TSTD2: variants seen among roughly 807,000 people sequenced by gnomAD.
TSTD2 encodes the protein thiosulfate sulfurtransferase/rhodanese-like domain-containing protein 2.
In TSTD2, 37 loss-of-function variants were observed where a neutral mutation model predicts 47.9. That is an observed-to-expected ratio of 0.77 (90% CI 0.59 to 1.02). The LOEUF (loss-of-function observed/expected upper bound fraction) is 1.02, where lower values mean the gene tolerates loss of function less well. Among genes scored for constraint, TSTD2 ranks in the 50% least tolerant of loss-of-function variants. The pLI is 0.00. For synonymous variants in TSTD2, 201 were observed against 215.9 expected (o/e 0.93, Z 0.61); for missense variants, 586 against 616.0 (o/e 0.95, Z 0.52).
At chr9:97,631,330 C>T (rs1826806809) in intron 1 of TSTD2, among the ~76,000 whole-genome samples, 1 of 151,728 alleles carries the variant, frequency 6.6e-6, no homozygotes, top group South Asian at 2.1e-4. Context: ...ACCATGTTGG[C>T]CAGGATGGTC....
At chr9:97,624,404 A>C (rs1826687512) in intron 3 of TSTD2, among the ~76,000 whole-genome samples, 2 of 152,148 alleles carry the variant, frequency 1.3e-5, no homozygotes, top group African/African-American at 4.8e-5. Flanking sequence ...ACATGAGTGA[A>C]CCTGGAAACA....
At chr9:97,614,179 A>G (rs548417488) in intron 4 of TSTD2, among the ~76,000 whole-genome samples, 5 of 152,340 alleles carry the variant, frequency 3.3e-5, no homozygotes, top group African/African-American at 9.6e-5. Flanking sequence ...TCATGGCACA[A>G]GCCAATGCCA....
chr9:97,616,658 T>C (rs1282385291), intron 4 of TSTD2, among the ~76,000 whole-genome samples: 1 of 152,146 alleles, frequency 6.6e-6, no homozygotes, highest in East Asian at 1.9e-4. Flanking sequence ...GTGAAAAATA[T>C]CACTGATCAA....
At chr9:97,624,926 C>T (rs1826695725) in intron 3 of TSTD2, among the ~76,000 whole-genome samples, 1 of 151,972 alleles carries the variant, frequency 6.6e-6, no homozygotes, top group Non-Finnish European at 1.5e-5. Flanking sequence ...AAAAGAAACC[C>T]CCCCTTTTTT....
intron 3 of TSTD2, among the ~76,000 whole-genome samples, chr9:97,624,490 C>T (rs1490399837): frequency 6.6e-6 from 1 of 152,194 alleles, no homozygotes; most frequent in Non-Finnish European, 1.5e-5. Flanking sequence ...ACCAACTATG[C>T]TGCTGTAAGC....
At chr9:97,605,809 G>A (rs559524771) in intron 7 of TSTD2, among the ~76,000 whole-genome samples, 168 bp from the exon 8 acceptor site, 1 of 152,304 alleles carries the variant, frequency 6.6e-6, no homozygotes, top group African/African-American at 2.4e-5. Context: ...TAAAACCGAG[G>A]CTGTGGGCTG....
chr9:97,611,526 GGCA>G, intron 5 of TSTD2, 45 bp downstream of exon 5: 1 of 1,540,790 alleles, frequency 6.5e-7, no homozygotes, highest in South Asian at 1.2e-5. Context: ...CATGCACAGA[GGCA>G]GAAGCAGATG....
chr9:97,605,656 C>G lies in TSTD2; in HGVS notation c.955-15G>C. ...TGGAATCGTCCCTGTAACATAGGAG[C>G]AACAAAAGGAAAATTATCAGAAAAA... On this transcript the variant is annotated splice_polypyrimidine_tract_variant and intron_variant, in intron 7 of 9. Coordinates refer to ENST00000341170, the MANE Select transcript of TSTD2 (RefSeq NM_139246.5). The G allele has an allele frequency of 6.2e-7, 1 of 1,613,936 alleles. No individual in the cohort carries two copies. The highest frequency in any genetic ancestry group is 8.5e-7 in the Non-Finnish European group (1 of 1,179,932).
rs762022335 is a variant in TSTD2 at position 97,602,502 on chromosome 9, A to G, written c.1518T>C (p.Pro506=). ...GCACTGGCCCATCCTCATCAGCATC[A>G]GGCCCTGGCTCTGGGCTCACAGGCT... The part of the protein sequence containing the change: ...VRQPVSPEPG[P]DADEDGPVLM Residue 506 remains proline (P), a synonymous_variant, in exon 10 of 10, where the codon CCT becomes CCC. Transcript: ENST00000341170. 6.2e-7 allele frequency: 1 copy of G among 1,613,194 alleles called. No individual in the cohort carries two copies. Among genetic ancestry groups the G allele is most frequent in the Non-Finnish European group, 8.5e-7 (1 of 1,179,480 alleles).
intron 2 of TSTD2, among the ~76,000 whole-genome samples, chr9:97,626,291 GC>G (rs1826719220): frequency 6.6e-6 from 1 of 152,034 alleles, no homozygotes; most frequent in African/African-American, 2.4e-5. Context: ...ATACAGTTTG[GC>G]CTAAAATATC....
rs770690604 is a variant in TSTD2, at chr9:97,617,819, C to T, written c.541G>A (p.Asp181Asn). The T allele has an allele frequency of 6.2e-7, 1 of 1,614,138 alleles. No individual in the cohort carries two copies. The highest frequency in any genetic ancestry group is 1.3e-5 in the African/African-American group (1 of 75,048). The change falls in exon 4 of 10, where the codon GAT becomes AAT. Residue 181 changes from aspartate to asparagine, a missense_variant. Physicochemically the swap from Asp to Asn is conservative, Grantham distance 23. Transcript: ENST00000341170. ...LLYYCYHDLE[D>N]PQWICAWQTA... ...TGCCAGGCACAGATCCATTGGGGAT[C>T]CTCCAGGTCATGGTAGCAGTAATAA...
At position 97,604,745 on chromosome 9, in the gene TSTD2, T is replaced by C; in HGVS notation, c.1234A>G (p.Asn412Asp). The C allele has an allele frequency of 1.9e-6, 3 of 1,614,232 alleles. No homozygotes were observed. Among genetic ancestry groups the C allele is most frequent in the Non-Finnish European group, 2.5e-6 (3 of 1,180,036 alleles). Residue 412 changes from asparagine (N) to aspartate (D), a missense_variant, in exon 9 of 10, where the codon AAC becomes GAC. Transcript: ENST00000341170. Reference protein sequence around the residue: ...VFDERYALSYNSDVVSECSYC... With the variant: ...VFDERYALSYDSDVVSECSYC... ...GACCTACCTGACACCACATCACTGT[T>C]GTAGGACAGAGCATAGCGTTCATCA...
intron 3 of TSTD2, among the ~76,000 whole-genome samples, chr9:97,619,682 A>AT (rs1372263357): frequency 6.6e-6 from 1 of 151,998 alleles, no homozygotes; most frequent in East Asian, 1.9e-4. Context: ...GCTTACTTTA[A>AT]TACAGTATAC....
chr9:97,600,494 T>C lies in TSTD2; in HGVS notation c.*1975A>G, dbSNP rs1826232411. 1.0e-6 allele frequency: 1 copy of C among 985,642 alleles called. No homozygotes were observed. Among genetic ancestry groups the C allele is most frequent in the Non-Finnish European group, 1.2e-6 (1 of 830,114 alleles). The allele number at this position is 985,642 out of a possible 1,614,324, so 61.1% of individuals were successfully genotyped here. On this transcript the variant is annotated 3_prime_UTR_variant, in exon 10 of 10. Transcript: ENST00000341170. Reference sequence around the variant, plus strand: ...GCCAACCTTATGATGGATGTGAAAATCTACGGCCAAATACTTTTGAAAACA... The same window carrying C: ...GCCAACCTTATGATGGATGTGAAAACCTACGGCCAAATACTTTTGAAAACA...
At position 97,601,388 on chromosome 9, in the gene TSTD2, C is replaced by T; in HGVS notation, c.*1081G>A. The T allele has an allele frequency of 1.9e-6, 2 of 1,049,250 alleles. No homozygotes were observed. Among genetic ancestry groups the T allele is most frequent in the Non-Finnish European group, 2.3e-6 (2 of 866,208 alleles). The allele number at this position is 1,049,250 out of a possible 1,614,324, so 65.0% of individuals were successfully genotyped here. ...TGTGTCATGTATTCCAGGTGCTGATCTAAAAACTGTGGCTCAAATGTCACC... is the reference window on the plus strand; with the variant it reads ...TGTGTCATGTATTCCAGGTGCTGATTTAAAAACTGTGGCTCAAATGTCACC... On this transcript the variant is annotated 3_prime_UTR_variant, in exon 10 of 10. Coordinates refer to ENST00000341170, the MANE Select transcript of TSTD2 (RefSeq NM_139246.5).
Position 97,602,247 on chromosome 9 carries a change from A to G in TSTD2, c.*222T>C. 9.0e-6 allele frequency: 5 copies of G among 553,890 alleles called. No individual in the cohort carries two copies. Among genetic ancestry groups the G allele is most frequent in the South Asian group, 2.9e-5 (1 of 34,784 alleles). The allele number at this position is 553,890 out of a possible 1,614,324, so 34.3% of individuals were successfully genotyped here. A position where few individuals can be genotyped will look rare whatever the true frequency, so the allele number is the denominator to read the frequency against. On this transcript the variant is annotated 3_prime_UTR_variant, in exon 10 of 10. Coordinates refer to ENST00000341170, the MANE Select transcript of TSTD2 (RefSeq NM_139246.5). The stretch of plus-strand genomic sequence containing the variant: ...CTTTGGGATCCCATGCAGCTCACCT[A>G]TTTTCTGTGCTCTAGCATCATCCAA...
In TSTD2 at chr9:97,601,363, T is replaced by G. The variant is rs1369834848; in HGVS notation, c.*1106A>C. The stretch of plus-strand genomic sequence containing the variant: ...CAGTGCTGGATGACCTCAGTAAGAA[T>G]GTGTCATGTATTCCAGGTGCTGATC... On this transcript the variant is annotated 3_prime_UTR_variant, in exon 10 of 10. Coordinates refer to ENST00000341170, the MANE Select transcript of TSTD2 (RefSeq NM_139246.5). 1 of 1,110,244 alleles carries G rather than the reference T, an allele frequency of 9.0e-7. No individual in the cohort carries two copies. The highest frequency in any genetic ancestry group is 1.1e-6 in the Non-Finnish European group (1 of 899,016). The allele number at this position is 1,110,244 out of a possible 1,614,324, so 68.8% of individuals were successfully genotyped here. A position where few individuals can be genotyped will look rare whatever the true frequency, so the allele number is the denominator to read the frequency against.
Position 97,604,843 on chromosome 9 carries a change from TG to T in TSTD2, c.1135del (p.Gln379SerfsTer64). The T allele has an allele frequency of 6.2e-7, 1 of 1,614,172 alleles. No individual in the cohort carries two copies. The highest frequency in any genetic ancestry group is 8.5e-7 in the Non-Finnish European group (1 of 1,180,006). ...GTACTTGTGGATGCCACCCTTGAGC[TG>T]GAACACCTCCTTGCACACTCCCTAG... ...KAKGVCKEVF[Q>X]LKGGIHKYLE... is the part of the protein sequence containing the mutation. On this transcript the variant is annotated frameshift_variant, in exon 9 of 10. Transcript: ENST00000341170. LOFTEE classifies it high-confidence loss of function.
chr9:97,617,381 A>C (rs1476336880), intron 4 of TSTD2, among the ~76,000 whole-genome samples: 1 of 152,220 alleles, frequency 6.6e-6, no homozygotes, highest in East Asian at 1.9e-4. Context: ...ACATTTCCCT[A>C]TACCAGGGTC....
Sources: gnomAD v4.1 joint callset for allele counts (sites outside exome capture counted in the v4.1 genomes callset) on GRCh38, gnomAD v4.1.1 for gene constraint, MANE v1.5 for transcripts, NCBI Gene and HGNC (gene_info 2026-07-23, HGNC 2026-07-21) for gene names.